The following AP3S2 variants were observed in gnomAD, a reference collection of about 807,000 sequenced individuals.
The protein encoded by AP3S2 is adaptor related protein complex 3 subunit sigma 2, also known as AP-3 complex subunit sigma-2.
Under a neutral mutation model 23.4 loss-of-function variants are expected in AP3S2, and 22 were observed. The observed-to-expected ratio is 0.94, with a 90% confidence interval of 0.67 to 1.34. The LOEUF is 1.34. Ranked by LOEUF, AP3S2 falls within the 40% of genes most tolerant of loss-of-function variation. The pLI is 0.00. For synonymous variants in AP3S2, 86 were observed against 87.1 expected (o/e 0.99, Z 0.07); for missense variants, 241 against 236.9 (o/e 1.02, Z -0.11).
In AP3S2 at chr15:89,837,782, C is replaced by T. The variant is rs573708975; in HGVS notation, c.346-60G>A. On this transcript the variant is annotated intron_variant, in intron 4 of 5. Transcript: ENST00000336418. ...TCTGTGGTGGTCAGAGTGTAACCCA[C>T]GAGGTTTCCTTTTCCTGCAGCAGCA... 31 of 1,602,818 alleles carry T rather than the reference C, an allele frequency of 1.9e-5. No individual in the cohort carries two copies. In the Middle Eastern group the frequency reaches 5.0e-4, roughly 26 times the overall value.
At chr15:89,877,570 C>T (rs543113222) in intron 3 of AP3S2, 6 of 473,054 alleles carry the variant, frequency 1.3e-5, no homozygotes, top group African/African-American at 2.0e-5. Flanking sequence ...GAAACATGGC[C>T]GGGCGCGGTG....
At chr15:89,866,281 A>AAT (rs59119035) in intron 4 of AP3S2, among the ~76,000 whole-genome samples, 2 of 150,404 alleles carry the variant, frequency 1.3e-5, no homozygotes, top group African/African-American at 4.9e-5. Flanking sequence ...AAAAAAAAAA[A>AAT]GTCACCATGG....
At chr15:89,880,673 C>CAAA (rs11403473) in intron 3 of AP3S2, among the ~76,000 whole-genome samples, 1 of 137,034 alleles carries the variant, frequency 7.3e-6, no homozygotes, top group East Asian at 2.1e-4. Flanking sequence ...GACTCCGTCT[C>CAAA]AAAAAAAAAA....
chr15:89,852,926 G>T (rs1051506483), intron 4 of AP3S2, among the ~76,000 whole-genome samples: 2 of 152,164 alleles, frequency 1.3e-5, no homozygotes, highest in African/African-American at 4.8e-5. Flanking sequence ...AGCAAGAGGT[G>T]AGGCTAGACA....
intron 4 of AP3S2, among the ~76,000 whole-genome samples, chr15:89,840,775 A>G (rs575674403): frequency 1.2e-4 from 19 of 152,276 alleles, no homozygotes; most frequent in African/African-American, 4.6e-4. Context: ...ATATATGAGG[A>G]AAAGGCAATA....
intron 1 of AP3S2, 82 bp downstream of exon 1, chr15:89,893,799 C>A (rs568185223): frequency 2.2e-6 from 3 of 1,379,608 alleles, no homozygotes; most frequent in East Asian, 5.0e-5. Flanking sequence ...AAGAGCGGTG[C>A]CCCCGGGCGC....
intron 4 of AP3S2, among the ~76,000 whole-genome samples, chr15:89,868,773 G>A (rs1896233205): frequency 8.3e-6 from 1 of 120,624 alleles, no homozygotes; most frequent in African/African-American, 3.4e-5. Context: ...CTACTGGGAA[G>A]TGAGGAGCCC....
chr15:89,884,536 GA>G (rs1475500625), intron 3 of AP3S2, among the ~76,000 whole-genome samples: 2 of 150,606 alleles, frequency 1.3e-5, no homozygotes, highest in African/African-American at 4.9e-5. Context: ...GAGTCAAAAA[GA>G]AAAAAAAGGC....
intron 1 of AP3S2, among the ~76,000 whole-genome samples, chr15:89,891,659 GA>G (rs904378687): frequency 7.1e-5 from 10 of 141,496 alleles, no homozygotes; most frequent in East Asian, 6.6e-4. Context: ...GTCTCGGAGG[GA>G]AAAAAAAAAG....
intron 4 of AP3S2, among the ~76,000 whole-genome samples, chr15:89,857,088 T>A (rs1194541230): frequency 6.6e-6 from 1 of 152,128 alleles, no homozygotes; most frequent in East Asian, 1.9e-4. Flanking sequence ...ACAAACAGTT[T>A]GGAGAACTAC....
intron 4 of AP3S2, among the ~76,000 whole-genome samples, chr15:89,841,660 C>T (rs1196918895): frequency 6.6e-6 from 1 of 152,108 alleles, no homozygotes; most frequent in Non-Finnish European, 1.5e-5. Flanking sequence ...CCTTGCCTAT[C>T]TCGATTGGCT....
At chr15:89,861,443 T>C (rs542125719) in intron 4 of AP3S2, among the ~76,000 whole-genome samples, 1 of 152,288 alleles carries the variant, frequency 6.6e-6, no homozygotes, top group African/African-American at 2.4e-5. Context: ...GAATGTTAGG[T>C]CACCCACACA....
chr15:89,880,454 G>A (rs937048354), intron 3 of AP3S2, among the ~76,000 whole-genome samples: 2 of 152,008 alleles, frequency 1.3e-5, no homozygotes, highest in African/African-American at 4.8e-5. Context: ...ACTTTGGGAG[G>A]CCGAGGTCAG....
chr15:89,882,897 T>G (rs1294950616), intron 3 of AP3S2, among the ~76,000 whole-genome samples: 1 of 152,242 alleles, frequency 6.6e-6, no homozygotes, highest in African/African-American at 2.4e-5. Context: ...TACTGAGTTC[T>G]ATAAACTCTC....
chr15:89,878,233 A>G (rs1207194615), intron 3 of AP3S2: 1 of 637,130 alleles, frequency 1.6e-6, no homozygotes, highest in Non-Finnish European at 2.8e-6. Flanking sequence ...AAAAAAAAAC[A>G]ACAGCAAAAC....
intron 4 of AP3S2, among the ~76,000 whole-genome samples, chr15:89,866,487 CTTTT>C (rs926497551): frequency 3.6e-5 from 5 of 138,244 alleles, no homozygotes; most frequent in African/African-American, 1.3e-4. Context: ...AGACAACTTC[CTTTT>C]TTTTTTTTTT....
At chr15:89,842,748 G>A (rs1196758146) in intron 4 of AP3S2, among the ~76,000 whole-genome samples, 2 of 152,140 alleles carry the variant, frequency 1.3e-5, no homozygotes, top group Admixed American at 6.5e-5. Context: ...AAGTAGCTGG[G>A]ACTATAGGCA....
At chr15:89,859,215 C>CTCTTTCTTTCTTTCCTTCTT (rs1162624514) in intron 4 of AP3S2, among the ~76,000 whole-genome samples, 2 of 149,952 alleles carry the variant, frequency 1.3e-5, no homozygotes, top group Non-Finnish European at 3.0e-5. Flanking sequence ...TGCTTCCTTT[C>CTCTTTCTTTCTTTCCTTCTT]TCTTTCTTTC....
At position 89,888,643 on chromosome 15, in the gene AP3S2, T is replaced by C. The variant is rs377079395; in HGVS notation, c.162-11A>G. 1.4e-5 allele frequency: 23 copies of C among 1,612,042 alleles called. No individual in the cohort carries two copies. The Admixed American group carries it at 2.8e-4, about 20-fold the overall frequency. ...GAGCCACCAATCAAACTGCAGAAGA[T>C]GGGAAACATTTAAATGCCCACAGCT... On this transcript the variant is annotated splice_polypyrimidine_tract_variant and intron_variant, in intron 2 of 5. Coordinates refer to ENST00000336418, the MANE Select transcript of AP3S2 (RefSeq NM_005829.5).
Sources: allele counts gnomAD v4.1 joint callset (sites outside exome capture counted in the v4.1 genomes callset), GRCh38; gene constraint gnomAD v4.1.1; transcripts MANE v1.5; gene names NCBI Gene and HGNC (gene_info 2026-07-23, HGNC 2026-07-21).